Variants in TBC1D9 observed in about 807,000 individuals in gnomAD.
The protein encoded by TBC1D9 is TBC1 domain family member 9.
Under a neutral mutation model 132.0 loss-of-function variants are expected in TBC1D9, and 63 were observed. The ratio of observed to expected loss-of-function variants is 0.48; its 90% CI spans 0.39 to 0.59. The LOEUF is 0.59. Among genes scored for constraint, TBC1D9 ranks in the 20% least tolerant of loss-of-function variants. The pLI is 0.00. For missense variants in TBC1D9, 1,261 were observed against 1,592.7 expected, an observed-to-expected ratio of 0.79 and a Z score of 3.54; for synonymous variants, 610 against 609.9, an observed-to-expected ratio of 1.00 and a Z score of 0.00.
chr4:140,716,913 G>A (rs1323347307), intron 1 of TBC1D9, among the ~76,000 whole-genome samples: 2 of 137,356 alleles, frequency 1.5e-5, no homozygotes, highest in Non-Finnish European at 3.3e-5. Context: ...TTAGAGTAAT[G>A]GGGGCTGTAA....
At position 140,750,605 on chromosome 4, in the gene TBC1D9, C is replaced by G. The variant is rs1251123661; in HGVS notation, c.130+5311G>C. On this transcript the variant is annotated intron_variant, in intron 1 of 20. Transcript: ENST00000442267. ...ATAAATGAAGCTTAAAACCTCTACA[C>G]AGAAAACTATAAAACACCGAGAAAA... Among the ~76,000 whole-genome samples, 4 of 151,630 alleles carry G rather than the reference C, an allele frequency of 2.6e-5. No homozygotes were observed. In the East Asian group the frequency reaches 7.7e-4, roughly 29 times the overall value.
At chr4:140,695,992 A>C (rs1189708882) in intron 2 of TBC1D9, among the ~76,000 whole-genome samples, 2 of 152,250 alleles carry the variant, frequency 1.3e-5, no homozygotes, top group Non-Finnish European at 2.9e-5. Flanking sequence ...AATTGTTGAC[A>C]TAATGGCATA....
chr4:140,683,045 C>T (rs1737729783), intron 3 of TBC1D9, among the ~76,000 whole-genome samples: 1 of 152,052 alleles, frequency 6.6e-6, no homozygotes, highest in Non-Finnish European at 1.5e-5. Flanking sequence ...CACCACCACG[C>T]CTGGCTAATT....
At chr4:140,670,661 A>C (rs1466939750) in intron 7 of TBC1D9, 59 bp downstream of exon 7, 1 of 1,443,750 alleles carries the variant, frequency 6.9e-7, no homozygotes, top group Non-Finnish European at 9.7e-7. Flanking sequence ...AAGGAACTGA[A>C]CACACTTGGG....
rs1211282386 is a variant in TBC1D9, at chr4:140,623,120, T to TAG, written c.3079-204_3079-203insCT. 2.0e-5 allele frequency among the ~76,000 whole-genome samples: 3 copies of TAG among 152,204 alleles called. No individual in the cohort carries two copies. In the East Asian group the frequency reaches 5.8e-4, roughly 29 times the overall value. On this transcript the variant is annotated intron_variant, in intron 20 of 20. Transcript: ENST00000442267. ...TTCTTTTTGAGACAGGGTCTCTCTTTGTCGCCCAGGCTGGAGTGCAGTGGT... is the reference window on the plus strand; with the variant it reads ...TTCTTTTTGAGACAGGGTCTCTCTTTAGGTCGCCCAGGCTGGAGTGCAGTGGT...
chr4:140,649,853 C>T (rs1340331706), intron 13 of TBC1D9, among the ~76,000 whole-genome samples: 1 of 152,192 alleles, frequency 6.6e-6, no homozygotes, highest in Non-Finnish European at 1.5e-5. Context: ...GTACTCTGAT[C>T]TCTAAAGAGT....
intron 1 of TBC1D9, among the ~76,000 whole-genome samples, chr4:140,755,284 AGG>A (rs1236764337): frequency 6.6e-6 from 1 of 152,242 alleles, no homozygotes; most frequent in Non-Finnish European, 1.5e-5. Flanking sequence ...GAGGGGGTTT[AGG>A]GAAGAAGTGA....
chr4:140,637,868 C>T (rs1436149110), intron 15 of TBC1D9, among the ~76,000 whole-genome samples: 1 of 152,178 alleles, frequency 6.6e-6, no homozygotes, highest in Non-Finnish European at 1.5e-5. Context: ...GCTTCGGTTT[C>T]CTCGTCAGAA....
At chr4:140,750,936 A>G (rs1365901663) in intron 1 of TBC1D9, among the ~76,000 whole-genome samples, 1 of 152,068 alleles carries the variant, frequency 6.6e-6, no homozygotes, top group African/African-American at 2.4e-5. Context: ...ATAAGGTCAC[A>G]TCTGGATAAA....
At chr4:140,670,035 A>G (rs776793792) in intron 7 of TBC1D9, among the ~76,000 whole-genome samples, 28 of 152,146 alleles carry the variant, frequency 1.8e-4, no homozygotes, top group Non-Finnish European at 4.0e-4. Flanking sequence ...CTGAATCTTC[A>G]TGTTTTATAT....
At chr4:140,678,225 T>C (rs1313455454) in intron 5 of TBC1D9, among the ~76,000 whole-genome samples, 3 of 152,250 alleles carry the variant, frequency 2.0e-5, no homozygotes, top group Admixed American at 6.5e-5. Flanking sequence ...AACTACCAAA[T>C]GCACATCAAT....
intron 13 of TBC1D9, chr4:140,643,514 G>A: frequency 2.3e-6 from 2 of 882,130 alleles, no homozygotes; most frequent in South Asian, 1.4e-5. Context: ...CCAGTCTCGG[G>A]CACTCTCCCT....
intron 13 of TBC1D9, 50 bp from the exon 14 acceptor site, chr4:140,639,478 A>G (rs1191458764): frequency 3.8e-6 from 5 of 1,298,726 alleles, no homozygotes; most frequent in Non-Finnish European, 4.4e-6. Flanking sequence ...TACAGCACAC[A>G]ATGTCCTGTC....
intron 2 of TBC1D9, among the ~76,000 whole-genome samples, chr4:140,693,426 T>C (rs1379929080): frequency 6.6e-6 from 1 of 152,208 alleles, no homozygotes; most frequent in African/African-American, 2.4e-5. Context: ...GTACACCTGG[T>C]TTCAAACTTC....
At position 140,622,886 on chromosome 4, in the gene TBC1D9, T is replaced by C; in HGVS notation, c.3110A>G (p.Tyr1037Cys). 6.3e-7 allele frequency: 1 copy of C among 1,577,752 alleles called. No individual in the cohort carries two copies. The highest frequency in any genetic ancestry group is 8.6e-7 in the Non-Finnish European group (1 of 1,164,930). The change falls in exon 21 of 21, where the codon TAT becomes TGT. Residue 1037 changes from tyrosine (Y) to cysteine (C), a missense_variant. This residue lies in a region of TBC1D9 where 618 missense variants were observed against 724.4 expected (regional missense o/e 0.85). Coordinates refer to ENST00000442267, the MANE Select transcript of TBC1D9 (RefSeq NM_015130.3). ...GQFIELCKTM[Y>C]NMFSEDPNEQ... ...ATTGGGGTCTTCGCTGAACATGTTA[T>C]ACATTGTCTTACACAGTTCAATGAA...
At position 140,669,760 on chromosome 4, in the gene TBC1D9, T is replaced by C; in HGVS notation, c.1311A>G (p.Arg437=). 6.2e-7 allele frequency: 1 copy of C among 1,613,932 alleles called. No homozygotes were observed. The highest frequency in any genetic ancestry group is 8.5e-7 in the Non-Finnish European group (1 of 1,179,862). Residue 437 remains arginine, a synonymous_variant, in exon 8 of 21, where the codon AGA becomes AGG. Transcript: ENST00000442267. The stretch of plus-strand genomic sequence containing the variant: ...CTCCATCAGCATCAGAGCTCGTGCT[T>C]CTCTGGGGGCTGGAGGAGACGAGGC... ...PSSLVSSSPQ[R]STSSDADGER...
chr4:140,655,407 A>T (rs948789217), intron 13 of TBC1D9, among the ~76,000 whole-genome samples: 3 of 152,152 alleles, frequency 2.0e-5, no homozygotes, highest in Non-Finnish European at 2.9e-5. Flanking sequence ...TTTAAGAGAG[A>T]CTTTCTGATC....
chr4:140,622,366 G>A lies in TBC1D9; in HGVS notation c.3630C>T (p.Ala1210=). ...PRSTSLDRDW[A]ITFEQFLASL... is the part of the protein sequence containing the mutation. The stretch of plus-strand genomic sequence containing the variant: ...AGGCCAGGAACTGCTCGAAGGTGAT[G>A]GCCCAGTCCCGGTCCAGGCTGGTGC... The change falls in exon 21 of 21, where the codon GCC becomes GCT. Residue 1210 remains alanine (A), a synonymous_variant. Coordinates refer to ENST00000442267, the MANE Select transcript of TBC1D9 (RefSeq NM_015130.3). The A allele has an allele frequency of 6.2e-7, 1 of 1,613,264 alleles. No individual in the cohort carries two copies. The highest frequency in any genetic ancestry group is 1.3e-5 in the African/African-American group (1 of 75,064).
rs534022972 is a variant in TBC1D9 at position 140,657,957 on chromosome 4, G to A, written c.1922-145C>T. On this transcript the variant is annotated intron_variant, in intron 11 of 20. Coordinates refer to ENST00000442267, the MANE Select transcript of TBC1D9 (RefSeq NM_015130.3). Reference sequence around the variant, plus strand: ...GCTGTGACTGTTACTAGACCAAGGTGTCAACACAGCTCAGTCACCAGATTA... The same window carrying A: ...GCTGTGACTGTTACTAGACCAAGGTATCAACACAGCTCAGTCACCAGATTA... The A allele has an allele frequency of 4.6e-5, 40 of 875,808 alleles. No homozygotes were observed. The African/African-American group carries it at 5.9e-4, about 13-fold the overall frequency. 54.3% of individuals were successfully genotyped at this position (875,808 alleles called of 1,614,324 possible).
Sources: gnomAD v4.1 joint callset for allele counts (sites outside exome capture counted in the v4.1 genomes callset) on GRCh38, gnomAD v4.1.1 for gene constraint, gnomAD v4.1.1 regional missense constraint, MANE v1.5 for transcripts, NCBI Gene and HGNC (gene_info 2026-07-23, HGNC 2026-07-21) for gene names.